The following LAMA2 variants were observed in gnomAD, a reference collection of about 807,000 sequenced individuals.
LAMA2 encodes laminin subunit alpha-2.
LAMA2 carries 269 observed loss-of-function variants against 364.8 expected under a neutral mutation model. The ratio of observed to expected loss-of-function variants is 0.74; its 90% confidence interval spans 0.67 to 0.82. LAMA2 has a LOEUF of 0.82. Ranked by LOEUF, LAMA2 falls within the 40% of genes least tolerant of loss-of-function variation. The pLI, the probability that LAMA2 is intolerant of heterozygous loss-of-function variation, is 0.00. For missense variants in LAMA2, 3,807 were observed against 3,873.2 expected, an observed-to-expected ratio of 0.98 and a Z score of 0.45; for synonymous variants, 1,379 against 1,370.6, an observed-to-expected ratio of 1.01 and a Z score of -0.14.
At position 129,445,706 on chromosome 6, in the gene LAMA2, A is replaced by C. The variant is rs1284435333; in HGVS notation, c.6314A>C (p.Glu2105Ala). 1.2e-6 allele frequency: 2 copies of C among 1,613,996 alleles called. No homozygotes were observed. The highest frequency in any genetic ancestry group is 1.7e-6 in the Non-Finnish European group (2 of 1,179,910). ...ADATVKNLEQ[E>A]ADRLIDKLKP... ...GCCACTGTCAAAAATTTAGAACAGG[A>C]AGCTGACCGGCTAATAGATAAACTC... The change falls in exon 45 of 65, where the codon GAA becomes GCA. Residue 2105 changes from glutamate to alanine, a missense_variant. Coordinates refer to ENST00000421865, the MANE Select transcript of LAMA2 (RefSeq NM_000426.4).
chr6:129,415,854 GA>G (rs892993236), intron 40 of LAMA2, among the ~76,000 whole-genome samples: 3 of 150,770 alleles, frequency 2.0e-5, no homozygotes, highest in African/African-American at 7.3e-5. Context: ...TCACAAAAAA[GA>G]AAATAAAAGG....
chr6:129,415,304 T>C (rs1195133283), intron 40 of LAMA2, among the ~76,000 whole-genome samples: 1 of 152,204 alleles, frequency 6.6e-6, no homozygotes, highest in Non-Finnish European at 1.5e-5. Context: ...TGATTTTTTT[T>C]CAGTGGGCCA....
chr6:128,924,189 C>T lies in LAMA2; in HGVS notation c.112+40832C>T, dbSNP rs1222519264. 2.0e-5 allele frequency among the ~76,000 whole-genome samples: 3 copies of T among 152,084 alleles called. No homozygotes were observed. The East Asian group carries it at 5.8e-4, about 29-fold the overall frequency. ...TATTTTATCCCTGCTATAATTTTTA[C>T]AAGCTTCTTTTCATATATATATACA... On this transcript the variant is annotated intron_variant, in intron 1 of 64. Transcript: ENST00000421865.
intron 1 of LAMA2, among the ~76,000 whole-genome samples, chr6:128,935,663 C>T (rs953826044): frequency 3.4e-4 from 52 of 152,212 alleles, no homozygotes; most frequent in African/African-American, 1.2e-3. Flanking sequence ...TATTGAATTT[C>T]TTTATTAGCT....
chr6:129,022,888 G>C (rs766624833), intron 1 of LAMA2, among the ~76,000 whole-genome samples: 3 of 152,060 alleles, frequency 2.0e-5, no homozygotes, highest in Non-Finnish European at 2.9e-5. Context: ...TTCCAGTTTA[G>C]ATATTTAAGA....
chr6:128,915,382 AG>A (rs1348684854), intron 1 of LAMA2, among the ~76,000 whole-genome samples: 1 of 152,154 alleles, frequency 6.6e-6, no homozygotes, highest in Non-Finnish European at 1.5e-5. Flanking sequence ...GAGGTGTGGG[AG>A]AACAAGGTGA....
chr6:129,155,814 A>G lies in LAMA2; in HGVS notation c.1206+1131A>G, dbSNP rs948034625. Among the ~76,000 whole-genome samples, 2 of 151,482 alleles carry G rather than the reference A, an allele frequency of 1.3e-5. 1 individual carries two copies. The highest frequency in any genetic ancestry group is 2.9e-5 in the Non-Finnish European group (2 of 67,864). On this transcript the variant is annotated intron_variant, in intron 8 of 64. Coordinates refer to ENST00000421865, the MANE Select transcript of LAMA2 (RefSeq NM_000426.4). ...TTAGGTAATATAATGTACCAACTTT[A>G]TTTTTTATTTTCAAGATTGTCTATA...
rs770213087 is a variant in LAMA2 at position 129,516,451 on chromosome 6, T to C, written c.*104T>C. On this transcript the variant is annotated 3_prime_UTR_variant, in exon 65 of 65. Transcript: ENST00000421865. ...TATGTTAATTAAACTAATTTGTGCA[T>C]GTACATAGAATTCTTTCTGTATTCA... is the stretch of plus-strand genomic sequence containing the variant. 8 of 1,172,564 alleles carry C rather than the reference T, an allele frequency of 6.8e-6. No individual in the cohort carries two copies. In the South Asian group the frequency reaches 1.1e-4, roughly 15 times the overall value. The allele number at this position is 1,172,564 out of a possible 1,614,324, so 72.6% of individuals were successfully genotyped here.
intron 52 of LAMA2, among the ~76,000 whole-genome samples, 170 bp downstream of exon 52, chr6:129,473,522 A>G (rs1783918783): frequency 6.6e-6 from 1 of 152,056 alleles, no homozygotes; most frequent in African/African-American, 2.4e-5. Flanking sequence ...GGATTTAGAA[A>G]CCAAAGGACT....
chr6:129,150,934 T>C (rs1778756131), intron 7 of LAMA2, among the ~76,000 whole-genome samples: 1 of 152,178 alleles, frequency 6.6e-6, no homozygotes, highest in Admixed American at 6.5e-5. Flanking sequence ...TTGAGTTTAA[T>C]TTGGATTTTC....
At chr6:129,068,558 G>T (rs928612180) in intron 3 of LAMA2, among the ~76,000 whole-genome samples, 16 of 152,296 alleles carry the variant, frequency 1.1e-4, no homozygotes, top group African/African-American at 3.8e-4. Flanking sequence ...CTGTCCTCAT[G>T]ACCTAATTAC....
Position 129,287,839 on chromosome 6 carries a change from T to A in LAMA2, c.2538-8T>A. The A allele has an allele frequency of 6.2e-7, 1 of 1,612,558 alleles. No individual in the cohort carries two copies. The highest frequency in any genetic ancestry group is 8.5e-7 in the Non-Finnish European group (1 of 1,178,710). ...CCAAAGGCTCACTGATGAAATTTCT[T>A]GCCTTAGGTGTGCAGAAGGCTATTT... On this transcript the variant is annotated splice_polypyrimidine_tract_variant and splice_region_variant and intron_variant, in intron 18 of 64. Coordinates refer to ENST00000421865, the MANE Select transcript of LAMA2 (RefSeq NM_000426.4).
intron 1 of LAMA2, among the ~76,000 whole-genome samples, chr6:128,931,438 C>T (rs923642996): frequency 5.3e-5 from 8 of 152,008 alleles, no homozygotes; most frequent in East Asian, 1.9e-4. Context: ...AATGAATGAA[C>T]GAATGAAATT....
chr6:128,944,374 C>G (rs1780364036), intron 1 of LAMA2, among the ~76,000 whole-genome samples: 1 of 152,200 alleles, frequency 6.6e-6, no homozygotes, highest in Admixed American at 6.5e-5. Context: ...CTTCTGTTTA[C>G]TAGGTTAAAT....
chr6:129,224,128 A>G (rs1462595265), intron 12 of LAMA2, among the ~76,000 whole-genome samples: 2 of 152,186 alleles, frequency 1.3e-5, no homozygotes, highest in Non-Finnish European at 2.9e-5. Context: ...GAGTTCACTC[A>G]TGATTTGGCT....
rs1779825958 is a variant in LAMA2 at position 128,936,575 on chromosome 6, T to C, written c.112+53218T>C. On this transcript the variant is annotated intron_variant, in intron 1 of 64. Transcript: ENST00000421865. ...CATATAGTATGCTTTTTATTCTATG[T>C]ATATACCTATGAAAAAGTTTAATTT... Among the ~76,000 whole-genome samples, 3 of 152,172 alleles carry C rather than the reference T, an allele frequency of 2.0e-5. 1 individual carries two copies. Among genetic ancestry groups the C allele is most frequent in the Admixed American group, 6.5e-5 (1 of 15,278 alleles).
At chr6:128,910,303 T>C (rs1777818395) in intron 1 of LAMA2, among the ~76,000 whole-genome samples, 1 of 152,366 alleles carries the variant, frequency 6.6e-6, no homozygotes, top group East Asian at 1.9e-4. Context: ...TCTTTTCACA[T>C]AGTCCCATAT....
At chr6:128,906,757 T>C (rs1481895725) in intron 1 of LAMA2, among the ~76,000 whole-genome samples, 3 of 151,442 alleles carry the variant, frequency 2.0e-5, no homozygotes, top group Non-Finnish European at 3.0e-5. Flanking sequence ...TCTAGGGTTT[T>C]TATGGTTTTA....
chr6:129,459,831 A>T (rs1783156523), intron 48 of LAMA2, among the ~76,000 whole-genome samples: 1 of 152,082 alleles, frequency 6.6e-6, no homozygotes, highest in Admixed American at 6.6e-5. Context: ...TAAATAAATT[A>T]TCTAACTTTA....
Sources: gnomAD v4.1 joint callset for allele counts (sites outside exome capture counted in the v4.1 genomes callset) on GRCh38, gnomAD v4.1.1 for gene constraint, MANE v1.5 for transcripts, NCBI Gene and HGNC (gene_info 2026-07-23, HGNC 2026-07-21) for gene names.